GPAM: variants seen among roughly 807,000 people sequenced by gnomAD.
The protein encoded by GPAM is glycerol-3-phosphate acyltransferase 1, mitochondrial.
A neutral mutation model predicts 105.0 loss-of-function variants in GPAM; 56 were observed. The ratio of observed to expected loss-of-function variants is 0.53; its 90% CI spans 0.43 to 0.67. The LOEUF (loss-of-function observed/expected upper bound fraction) is 0.67, where lower values mean the gene tolerates loss of function less well. Among genes scored for constraint, GPAM ranks in the 30% least tolerant of loss-of-function variants. The probability of loss-of-function intolerance (pLI) is 0.00; values close to 1 mark genes in which losing one functional copy is unlikely to be tolerated. For missense variants in GPAM, 855 were observed against 989.8 expected, an observed-to-expected ratio of 0.86 and a Z score of 1.83; for synonymous variants, 368 against 354.4, an observed-to-expected ratio of 1.04 and a Z score of -0.43.
chr10:112,196,654 C>T (rs557570325), intron 1 of GPAM, among the ~76,000 whole-genome samples: 2 of 152,326 alleles, frequency 1.3e-5, no homozygotes, highest in South Asian at 4.1e-4. Context: ...AACTAGCAGT[C>T]ATCATCATCT....
Position 112,168,359 on chromosome 10 carries a change from T to C in GPAM, c.1060A>G (p.Ile354Val). 1.9e-6 allele frequency: 3 copies of C among 1,610,820 alleles called. No homozygotes were observed. The highest frequency in any genetic ancestry group is 2.5e-6 in the Non-Finnish European group (3 of 1,176,988). Residue 354 changes from isoleucine (I) to valine (V), a missense_variant, in exon 11 of 22, where the codon ATC (isoleucine) becomes GTC (valine). Ile to Val is a conservative substitution (Grantham distance 29). Transcript: ENST00000348367. ...CCTTCGATAATGCGATCATAGGAGA[T>C]TCCAACAGGTATTATCAAGATGTCT... ...IPDILIIPVGISYDRIIEGHY... is the reference protein window; with the variant it reads ...IPDILIIPVGVSYDRIIEGHY...
chr10:112,218,944 G>A (rs1226734393), upstream of GPAM, among the ~76,000 whole-genome samples: 3 of 152,196 alleles, frequency 2.0e-5, no homozygotes, highest in Admixed American at 6.5e-5. Context: ...GTGTTAGCCC[G>A]CGTCTTTACT....
Position 112,160,690 on chromosome 10 carries a change from G to T in GPAM, c.1673C>A (p.Thr558Asn), listed in dbSNP as rs371765842. ...GACTGATGGGACAGTTGTGCTGGGG[G>T]TGATAAAAAACTCATCGTTCCTGCT... ...HTSRNDEFFI[T>N]PSTTVPSVFE... The change falls in exon 16 of 22, where the codon ACC becomes AAC. Residue 558 changes from threonine to asparagine, a missense_variant. By Grantham distance (65) the Thr-to-Asn change is moderately conservative. Transcript: ENST00000348367. 23 of 1,613,548 alleles carry T rather than the reference G, an allele frequency of 1.4e-5. No homozygotes were observed. Among genetic ancestry groups the T allele is most frequent in the Non-Finnish European group, 1.9e-5 (22 of 1,179,580 alleles).
chr10:112,227,655 T>C, the GPAM span, among the ~76,000 whole-genome samples: 4 of 152,228 alleles, frequency 2.6e-5, no homozygotes, highest in Non-Finnish European at 5.9e-5. Context: ...CACTGAGCAG[T>C]TGCCTCTCAT....
chr10:112,196,315 AG>A (rs1473102358), intron 1 of GPAM, among the ~76,000 whole-genome samples: 2 of 152,254 alleles, frequency 1.3e-5, no homozygotes, highest in Admixed American at 6.5e-5. Flanking sequence ...TCACTCATTA[AG>A]TATAATCGGA....
chr10:112,190,464 C>A (rs1847643177), intron 1 of GPAM, among the ~76,000 whole-genome samples: 1 of 148,632 alleles, frequency 6.7e-6, no homozygotes, highest in Non-Finnish European at 1.5e-5. Flanking sequence ...TGTGCCACTG[C>A]ACCCCAGCCT....
intron 1 of GPAM, among the ~76,000 whole-genome samples, chr10:112,211,088 G>A (rs1847905815): frequency 1.3e-5 from 2 of 152,222 alleles, no homozygotes; most frequent in Admixed American, 6.5e-5. Flanking sequence ...CCTGGAAAGG[G>A]GCTTAGGGAG....
chr10:112,208,693 A>G lies in GPAM; in HGVS notation n.210+6475T>C, dbSNP rs560259896. On this transcript the variant is annotated intron_variant and non_coding_transcript_variant, in intron 1 of 3. Transcript: ENST00000480130. ...TGCTTCTCGGACTCTGAGCTATTAC[A>G]GTGCAGTAAACCAAGGGATACTAAT... Among the ~76,000 whole-genome samples the G allele has an allele frequency of 7.9e-5, 12 of 152,328 alleles. No homozygotes were observed. The South Asian group carries it at 2.5e-3, about 32-fold the overall frequency.
chr10:112,161,998 T>C (rs548532169), intron 14 of GPAM, among the ~76,000 whole-genome samples: 9 of 152,324 alleles, frequency 5.9e-5, no homozygotes, highest in Admixed American at 5.9e-4. Flanking sequence ...GGAATTTAGT[T>C]ACTGAATGAC....
At position 112,153,518 on chromosome 10, in the gene GPAM, G is replaced by T; in HGVS notation, c.*32C>A. ...GGTACCTACAAGGAACTCATCTCAT[G>T]ACCTTCATTTGCCAGCAGTGCCACA... On this transcript the variant is annotated 3_prime_UTR_variant, in exon 22 of 22. Transcript: ENST00000348367. The T allele has an allele frequency of 1.2e-6, 2 of 1,613,114 alleles. No homozygotes were observed. Among genetic ancestry groups the T allele is most frequent in the South Asian group, 2.2e-5 (2 of 90,968 alleles).
intron 4 of GPAM, 27 bp downstream of exon 4, chr10:112,180,446 A>C (rs1348951456): frequency 1.2e-6 from 2 of 1,609,406 alleles, no homozygotes; most frequent in Non-Finnish European, 1.7e-6. Context: ...GCTGAGTATT[A>C]GGGTCAATAA....
the GPAM span, among the ~76,000 whole-genome samples, chr10:112,224,812 C>G: frequency 1.3e-5 from 2 of 152,030 alleles, no homozygotes; most frequent in Non-Finnish European, 2.9e-5. Context: ...GTCAACCACC[C>G]CTTTTGGAAT....
At position 112,150,914 on chromosome 10, in the gene GPAM, CT is replaced by C. The variant is rs1846904598; in HGVS notation, c.*2635del. On this transcript the variant is annotated 3_prime_UTR_variant, in exon 22 of 22. Coordinates refer to ENST00000348367, the MANE Select transcript of GPAM (RefSeq NM_001244949.2). Reference sequence around the variant, plus strand: ...CCCAGAAATATTTTCTCCATTTACCCTCATGACTTTGTGAAATTTAACAGAT... The same window carrying C: ...CCCAGAAATATTTTCTCCATTTACCCCATGACTTTGTGAAATTTAACAGAT... The C allele has an allele frequency of 1.0e-6, 1 of 985,306 alleles. No homozygotes were observed. The highest frequency in any genetic ancestry group is 1.2e-6 in the Non-Finnish European group (1 of 829,740). The allele number at this position is 985,306 out of a possible 1,614,324, so 61.0% of individuals were successfully genotyped here.
rs1322869903 is a variant in GPAM, at chr10:112,158,310, T to A, written c.1980+6A>T. The A allele has an allele frequency of 6.7e-7, 1 of 1,494,010 alleles. No individual in the cohort carries two copies. The highest frequency in any genetic ancestry group is 2.3e-5 in the East Asian group (1 of 44,314). The allele number at this position is 1,494,010 out of a possible 1,614,324, so 92.5% of individuals were successfully genotyped here. A position where few individuals can be genotyped will look rare whatever the true frequency, so the allele number is the denominator to read the frequency against. ...AAGACAAATAAAGGAAAGCTCTACC[T>A]CTTACCTCTGCCACTGTAAGAATGC... On this transcript the variant is annotated splice_donor_region_variant and intron_variant, in intron 18 of 21. Coordinates refer to ENST00000348367, the MANE Select transcript of GPAM (RefSeq NM_001244949.2).
intron 1 of GPAM, among the ~76,000 whole-genome samples, chr10:112,211,422 G>T (rs1490013201): frequency 6.6e-6 from 1 of 152,190 alleles, no homozygotes; most frequent in Non-Finnish European, 1.5e-5. Flanking sequence ...GCCCCAGAGA[G>T]GTGCAGGTCC....
At position 112,153,574 on chromosome 10, in the gene GPAM, A is replaced by G. The variant is rs770815376; in HGVS notation, c.2463T>C (p.Tyr821=). ...PQCNRQKLLE[Y]ILSFVVL ...CCTACAGCACCACAAAACTCAGAAT[A>G]TATTCTAGAAGTTTTTGTCGGTTGC... Residue 821 remains tyrosine, a synonymous_variant, in exon 22 of 22, where the codon TAT becomes TAC. Coordinates refer to ENST00000348367, the MANE Select transcript of GPAM (RefSeq NM_001244949.2). 2.7e-5 allele frequency: 43 copies of G among 1,613,928 alleles called. No homozygotes were observed. The highest frequency in any genetic ancestry group is 2.5e-6 in the Non-Finnish European group (3 of 1,179,934).
chr10:112,208,311 A>C (rs762664419), intron 1 of GPAM, among the ~76,000 whole-genome samples: 8 of 152,194 alleles, frequency 5.3e-5, no homozygotes, highest in African/African-American at 1.2e-4. Flanking sequence ...CTGAAATATC[A>C]ATGAAAAATT....
chr10:112,183,093 G>A lies in GPAM; in HGVS notation c.-127-202C>T, dbSNP rs541833074. ...GAGGATCTGAAAAGGACAGAGGCTGGAAGACCAGCTGTGAGGTTTAAATCT... is the reference window on the plus strand; with the variant it reads ...GAGGATCTGAAAAGGACAGAGGCTGAAAGACCAGCTGTGAGGTTTAAATCT... On this transcript the variant is annotated intron_variant, in intron 1 of 21. Coordinates refer to ENST00000348367, the MANE Select transcript of GPAM (RefSeq NM_001244949.2). 2.0e-5 allele frequency among the ~76,000 whole-genome samples: 3 copies of A among 152,360 alleles called. No individual in the cohort carries two copies. The South Asian group carries it at 6.2e-4, about 32-fold the overall frequency.
chr10:112,174,852 A>C (rs1241259088), intron 6 of GPAM, among the ~76,000 whole-genome samples: 1 of 152,204 alleles, frequency 6.6e-6, no homozygotes, highest in Non-Finnish European at 1.5e-5. Flanking sequence ...TCTTGAGTAC[A>C]TATTATGTGC....
Sources: allele counts gnomAD v4.1 joint callset (sites outside exome capture counted in the v4.1 genomes callset), GRCh38; gene constraint gnomAD v4.1.1; transcripts MANE v1.5; gene names NCBI Gene and HGNC (gene_info 2026-07-23, HGNC 2026-07-21).